The following GRIA2 variants were observed in gnomAD, a reference collection of about 807,000 sequenced individuals.
GRIA2 encodes the protein glutamate receptor 2.
A neutral mutation model predicts 97.3 loss-of-function variants in GRIA2; 14 were observed. That is an observed-to-expected ratio of 0.14 (90% CI 0.10 to 0.23). The LOEUF is 0.23. Among genes scored for constraint, GRIA2 ranks in the 10% least tolerant of loss-of-function variants. GRIA2 has a pLI of 1.00. For missense variants in GRIA2, 558 were observed against 1,069.8 expected, an observed-to-expected ratio of 0.52 and a Z score of 6.67; for synonymous variants, 412 against 387.8, an observed-to-expected ratio of 1.06 and a Z score of -0.73.
chr4:157,231,353 T>G (rs1730011067), intron 2 of GRIA2, among the ~76,000 whole-genome samples: 1 of 152,140 alleles, frequency 6.6e-6, no homozygotes, highest in African/African-American at 2.4e-5. Flanking sequence ...TTTTATTTTT[T>G]ATTTTTGCAG....
chr4:157,264,978 T>C (rs929727480), intron 2 of GRIA2, among the ~76,000 whole-genome samples: 21 of 152,180 alleles, frequency 1.4e-4, no homozygotes, highest in African/African-American at 4.8e-4. Context: ...ACAGAGAGTT[T>C]TTGCAACATT....
intron 11 of GRIA2, among the ~76,000 whole-genome samples, chr4:157,340,882 T>G (rs1735518024): frequency 6.6e-6 from 1 of 152,038 alleles, no homozygotes; most frequent in Admixed American, 6.6e-5. Context: ...TTCATAAATG[T>G]TGTTATGAGG....
At chr4:157,268,234 A>C (rs903278823) in intron 2 of GRIA2, among the ~76,000 whole-genome samples, 1 of 152,078 alleles carries the variant, frequency 6.6e-6, no homozygotes, top group African/African-American at 2.4e-5. Flanking sequence ...GTCTTACATG[A>C]CACAGATAAC....
At chr4:157,223,664 T>C (rs1729611407) in intron 2 of GRIA2, among the ~76,000 whole-genome samples, 1 of 152,208 alleles carries the variant, frequency 6.6e-6, no homozygotes, top group African/African-American at 2.4e-5. Flanking sequence ...GAAAATGCTT[T>C]GAAAAGTAAT....
At chr4:157,268,328 T>A (rs947429750) in intron 2 of GRIA2, among the ~76,000 whole-genome samples, 1 of 152,064 alleles carries the variant, frequency 6.6e-6, no homozygotes, top group African/African-American at 2.4e-5. Context: ...GTTAATAGTA[T>A]CAAATATTAT....
In GRIA2 at chr4:157,355,668, TTTTATATATTTA is replaced by T. The variant is rs1396485459; in HGVS notation, c.2044-4206_2044-4195del. Among the ~76,000 whole-genome samples the T allele has an allele frequency of 1.6e-3, 160 of 100,332 alleles. 1 individual carries two copies. Among genetic ancestry groups the T allele is most frequent in the African/African-American group, 6.0e-3 (149 of 25,034 alleles). 65.8% of individuals were successfully genotyped at this position (100,332 alleles called of 152,430 possible). On this transcript the variant is annotated intron_variant, in intron 12 of 15. Transcript: ENST00000264426. ...TATTTATATATTTATTTATATTTAT[TTTTATATATTTA>T]TTTATATATTTATTTATATATATTT... is the stretch of plus-strand genomic sequence containing the variant.
intron 6 of GRIA2, among the ~76,000 whole-genome samples, chr4:157,329,186 TA>T (rs1034149372): frequency 4.6e-5 from 7 of 151,920 alleles, no homozygotes; most frequent in East Asian, 1.9e-4. Context: ...TTGGTTATCT[TA>T]AAAAAAACTT....
At chr4:157,344,206 G>T (rs1349991476) in intron 12 of GRIA2, among the ~76,000 whole-genome samples, 1 of 151,902 alleles carries the variant, frequency 6.6e-6, no homozygotes, top group African/African-American at 2.4e-5. Context: ...TAAATCATAG[G>T]GTCAACTGTA....
At chr4:157,329,400 A>G (rs1734949681) in intron 6 of GRIA2, among the ~76,000 whole-genome samples, 1 of 151,998 alleles carries the variant, frequency 6.6e-6, no homozygotes, top group Admixed American at 6.6e-5. Context: ...GTACCAGGCC[A>G]TAAAACTTTT....
At chr4:157,315,771 C>T (rs957948174) in intron 4 of GRIA2, among the ~76,000 whole-genome samples, 9 of 152,060 alleles carry the variant, frequency 5.9e-5, no homozygotes, top group Non-Finnish European at 1.2e-4. Flanking sequence ...GAACTCCTGA[C>T]CTCATGATCT....
At chr4:157,296,674 A>C (rs117091049) in intron 2 of GRIA2, among the ~76,000 whole-genome samples, 1 of 152,258 alleles carries the variant, frequency 6.6e-6, no homozygotes, top group East Asian at 1.9e-4. Flanking sequence ...CCAGGGAAAC[A>C]TAGAGCTGGG....
At chr4:157,248,810 A>G in intron 2 of GRIA2, among the ~76,000 whole-genome samples, 1 of 118,576 alleles carries the variant, frequency 8.4e-6, no homozygotes, top group African/African-American at 3.5e-5. Flanking sequence ...ATATATATAT[A>G]TATAAATAAA....
intron 12 of GRIA2, among the ~76,000 whole-genome samples, chr4:157,356,011 TTA>T (rs1253536956): frequency 8.7e-5 from 9 of 102,998 alleles, no homozygotes; most frequent in East Asian, 2.5e-4. Context: ...ATATATGTAT[TTA>T]TATATATTTA....
rs1171158102 is a variant in GRIA2 at position 157,335,967 on chromosome 4, AG to A, written c.1473+92del. The stretch of plus-strand genomic sequence containing the variant: ...TCTCCCTGTGAAGTATCTATATCTG[AG>A]GTTGTTGATTTCCCACATTACTCTA... On this transcript the variant is annotated intron_variant, in intron 10 of 15. Coordinates refer to ENST00000264426, the MANE Select transcript of GRIA2 (RefSeq NM_001083619.3). 8 of 841,632 alleles carry A rather than the reference AG, an allele frequency of 9.5e-6. No homozygotes were observed. The African/African-American group carries it at 1.3e-4, about 14-fold the overall frequency. The allele number at this position is 841,632 out of a possible 1,614,324, so 52.1% of individuals were successfully genotyped here. A position where few individuals can be genotyped will look rare whatever the true frequency, so the allele number is the denominator to read the frequency against.
At chr4:157,240,757 G>A (rs890841036) in intron 2 of GRIA2, among the ~76,000 whole-genome samples, 5 of 148,720 alleles carry the variant, frequency 3.4e-5, no homozygotes, top group African/African-American at 1.2e-4. Flanking sequence ...TGTGCACATT[G>A]TGCAGGTTAG....
intron 2 of GRIA2, among the ~76,000 whole-genome samples, chr4:157,292,201 A>T (rs1041097091): frequency 1.3e-5 from 2 of 152,068 alleles, no homozygotes; most frequent in African/African-American, 4.8e-5. Flanking sequence ...ATTTCCAAAA[A>T]AGTGTAGTAA....
At chr4:157,240,728 C>G (rs1730469330) in intron 2 of GRIA2, among the ~76,000 whole-genome samples, 1 of 149,602 alleles carries the variant, frequency 6.7e-6, no homozygotes, top group South Asian at 2.2e-4. Context: ...TATTTTTATA[C>G]TTTACATTTT....
intron 2 of GRIA2, among the ~76,000 whole-genome samples, chr4:157,254,891 G>A (rs1444151250): frequency 6.6e-6 from 1 of 151,930 alleles, no homozygotes; most frequent in African/African-American, 2.4e-5. Context: ...AATCAATTTG[G>A]CATATTTCTG....
chr4:157,313,775 A>C (rs1376834907), intron 4 of GRIA2, among the ~76,000 whole-genome samples: 1 of 151,974 alleles, frequency 6.6e-6, no homozygotes, highest in East Asian at 1.9e-4. Context: ...ATATATGTAC[A>C]TATATATGTG....
Sources: gnomAD v4.1 joint callset for allele counts (sites outside exome capture counted in the v4.1 genomes callset) on GRCh38, gnomAD v4.1.1 for gene constraint, MANE v1.5 for transcripts, NCBI Gene and HGNC (gene_info 2026-07-23, HGNC 2026-07-21) for gene names.